EIF3H: variants seen among roughly 807,000 people sequenced by gnomAD.
The protein encoded by EIF3H is eIF-3-gamma.
A neutral mutation model predicts 44.2 loss-of-function variants in EIF3H; 26 were observed. The ratio of observed to expected loss-of-function variants is 0.59; its 90% CI spans 0.43 to 0.82. The LOEUF is 0.82. EIF3H is among the 40% of genes least tolerant of loss of function. The pLI, the probability that EIF3H is intolerant of heterozygous loss-of-function variation, is 0.00. For synonymous variants in EIF3H, 166 were observed against 151.9 expected (o/e 1.09, Z -0.68); for missense variants, 359 against 432.8 (o/e 0.83, Z 1.51).
chr8:116,745,897 G>A (rs1250570072), intron 1 of EIF3H, among the ~76,000 whole-genome samples: 1 of 151,798 alleles, frequency 6.6e-6, no homozygotes, highest in Non-Finnish European at 1.5e-5. Flanking sequence ...CCCCAGCCCG[G>A]TCGACAGAGC....
chr8:116,689,558 T>C (rs1413844993), intron 2 of EIF3H, among the ~76,000 whole-genome samples: 2 of 152,134 alleles, frequency 1.3e-5, no homozygotes, highest in African/African-American at 2.4e-5. Flanking sequence ...ATTAAGTATA[T>C]AAAAAGCATC....
At chr8:116,695,413 T>G (rs1814253331) in intron 2 of EIF3H, among the ~76,000 whole-genome samples, 1 of 152,094 alleles carries the variant, frequency 6.6e-6, no homozygotes, top group East Asian at 1.9e-4. Context: ...CAGGTACATT[T>G]TTTTCTGAAG....
intron 2 of EIF3H, among the ~76,000 whole-genome samples, chr8:116,720,201 T>TA (rs1366430309): frequency 6.6e-6 from 1 of 152,236 alleles, no homozygotes; most frequent in Non-Finnish European, 1.5e-5. Flanking sequence ...TCAGGACTGT[T>TA]AAAATATATT....
intron 2 of EIF3H, among the ~76,000 whole-genome samples, chr8:116,706,898 C>G (rs1814480217): frequency 6.6e-6 from 1 of 152,120 alleles, no homozygotes. Flanking sequence ...CAACTGTAGG[C>G]TAATATAAGT....
At chr8:116,645,483 C>CA (rs1813282035) in intron 7 of EIF3H, among the ~76,000 whole-genome samples, 1 of 152,166 alleles carries the variant, frequency 6.6e-6, no homozygotes, top group Non-Finnish European at 1.5e-5. Context: ...CAGCCAGACC[C>CA]ACTGGACCCA....
chr8:116,702,670 A>T (rs1183515573), intron 2 of EIF3H, among the ~76,000 whole-genome samples: 3 of 152,172 alleles, frequency 2.0e-5, no homozygotes, highest in Non-Finnish European at 4.4e-5. Context: ...TATGGTATCA[A>T]TGAGAAGCTG....
chr8:116,670,615 A>G (rs1813736494), intron 2 of EIF3H, among the ~76,000 whole-genome samples: 1 of 152,218 alleles, frequency 6.6e-6, no homozygotes, highest in East Asian at 1.9e-4. Context: ...CCGCAAGGTG[A>G]TATGACCAGA....
At chr8:116,704,371 T>C (rs1244379530) in intron 2 of EIF3H, among the ~76,000 whole-genome samples, 2 of 152,222 alleles carry the variant, frequency 1.3e-5, no homozygotes, top group South Asian at 2.1e-4. Flanking sequence ...ATTACAACTG[T>C]GACTGTAATG....
chr8:116,741,639 T>G (rs746663394), intron 1 of EIF3H, among the ~76,000 whole-genome samples: 30 of 152,238 alleles, frequency 2.0e-4, no homozygotes, highest in Non-Finnish European at 3.7e-4. Context: ...TTTTGTAGCT[T>G]CTGGGAGGTA....
intron 1 of EIF3H, among the ~76,000 whole-genome samples, chr8:116,747,071 T>C (rs1815250199): frequency 6.8e-6 from 1 of 147,438 alleles, no homozygotes; most frequent in Non-Finnish European, 1.5e-5. Context: ...TTTGTTTTTT[T>C]GTTTTTTTTG....
chr8:116,684,855 A>G (rs1411411237), intron 2 of EIF3H, among the ~76,000 whole-genome samples: 1 of 152,220 alleles, frequency 6.6e-6, no homozygotes, highest in Admixed American at 6.5e-5. Flanking sequence ...AAAATGTTTT[A>G]AATTGTCATA....
intron 1 of EIF3H, among the ~76,000 whole-genome samples, chr8:116,744,551 A>C (rs1387480312): frequency 6.6e-6 from 1 of 152,286 alleles, no homozygotes; most frequent in South Asian, 2.1e-4. Context: ...TTTGTCATCA[A>C]ACAGCTAAGT....
intron 2 of EIF3H, among the ~76,000 whole-genome samples, chr8:116,717,574 G>A (rs1814676430): frequency 6.6e-6 from 1 of 152,146 alleles, no homozygotes; most frequent in South Asian, 2.1e-4. Context: ...GAACAGAATA[G>A]AGAACCCAGA....
upstream of EIF3H, among the ~76,000 whole-genome samples, chr8:116,758,663 T>C (rs1455458243): frequency 6.6e-6 from 1 of 152,198 alleles, no homozygotes; most frequent in Non-Finnish European, 1.5e-5. Context: ...ATTCATAGTA[T>C]GTTCTCAAAT....
chr8:116,716,944 A>G (rs140239251), intron 2 of EIF3H, among the ~76,000 whole-genome samples: 2 of 152,160 alleles, frequency 1.3e-5, no homozygotes, highest in African/African-American at 4.8e-5. Flanking sequence ...TTGGTATATT[A>G]CCTCCCCGAG....
chr8:116,674,047 G>A (rs1384698520), intron 2 of EIF3H, among the ~76,000 whole-genome samples: 4 of 131,446 alleles, frequency 3.0e-5, no homozygotes, highest in Non-Finnish European at 6.2e-5. Flanking sequence ...TCCAGCCTGG[G>A]GAACACAGCA....
intron 2 of EIF3H, among the ~76,000 whole-genome samples, chr8:116,682,995 A>T (rs1814015480): frequency 6.6e-6 from 1 of 152,198 alleles, no homozygotes; most frequent in Non-Finnish European, 1.5e-5. Flanking sequence ...GCTACCTACC[A>T]CCTACTAAAC....
chr8:116,723,474 G>T (rs2130922269), intron 2 of EIF3H, among the ~76,000 whole-genome samples: 1 of 152,246 alleles, frequency 6.6e-6, no homozygotes, highest in South Asian at 2.1e-4. Context: ...AAAAATCCAA[G>T]TATGCTAGTG....
intron 2 of EIF3H, among the ~76,000 whole-genome samples, chr8:116,690,276 A>G (rs1412865573): frequency 6.6e-6 from 1 of 152,186 alleles, no homozygotes; most frequent in African/African-American, 2.4e-5. Flanking sequence ...CAGCAATATA[A>G]AACTATCAGA....
Sources: gnomAD v4.1 joint callset for allele counts (sites outside exome capture counted in the v4.1 genomes callset) on GRCh38, gnomAD v4.1.1 for gene constraint, MANE v1.5 for transcripts, NCBI Gene and HGNC (gene_info 2026-07-23, HGNC 2026-07-21) for gene names.